Variants in KHDRBS2 observed in about 807,000 individuals in gnomAD.
KHDRBS2 encodes KH RNA binding domain containing, signal transduction associated 2, also known as KH domain-containing, RNA-binding, signal transduction-associated protein 2.
In KHDRBS2, 26 loss-of-function variants were observed where a neutral mutation model predicts 44.3. The observed-to-expected ratio is 0.59, with a 90% CI of 0.43 to 0.81. The LOEUF (loss-of-function observed/expected upper bound fraction) is 0.81, where lower values mean the gene tolerates loss of function less well. KHDRBS2 is among the 40% of genes least tolerant of loss of function. The pLI, the probability that KHDRBS2 is intolerant of heterozygous loss-of-function variation, is 0.00. For missense variants in KHDRBS2, 476 were observed against 433.1 expected (o/e 1.10, Z -0.88); for synonymous variants, 194 against 151.1 (o/e 1.28, Z -2.08).
chr6:62,074,850 G>A (rs902165715), intron 2 of KHDRBS2, among the ~76,000 whole-genome samples: 1 of 151,676 alleles, frequency 6.6e-6, no homozygotes, highest in Non-Finnish European at 1.5e-5. Flanking sequence ...CTACATCCTA[G>A]AAAATTTTCT....
intron 3 of KHDRBS2, among the ~76,000 whole-genome samples, chr6:62,010,741 C>T (rs1584137894): frequency 6.6e-6 from 1 of 152,150 alleles, no homozygotes; most frequent in Admixed American, 6.5e-5. Context: ...TGATTTGCTC[C>T]TCCTTGCCTT....
At chr6:61,550,701 C>A in the KHDRBS2 span, among the ~76,000 whole-genome samples, 1 of 151,922 alleles carries the variant, frequency 6.6e-6, no homozygotes, top group Non-Finnish European at 1.5e-5. Flanking sequence ...TTCTATACAA[C>A]CCCTCCAGCA....
At chr6:61,852,453 A>G (rs1443265401) in intron 6 of KHDRBS2, among the ~76,000 whole-genome samples, 1 of 151,550 alleles carries the variant, frequency 6.6e-6, no homozygotes, top group Non-Finnish European at 1.5e-5. Context: ...AGTCCCAGCT[A>G]CTCAGGAGGC....
the KHDRBS2 span, among the ~76,000 whole-genome samples, chr6:61,550,766 C>CTTTTTTTTTTTTT: frequency 4.3e-5 from 5 of 117,038 alleles, no homozygotes; most frequent in African/African-American, 3.4e-5. Flanking sequence ...GAGATGGTAT[C>CTTTTTTTTTTTTT]TTTTTTTTTT....
chr6:61,943,760 G>A (rs1322281410), intron 4 of KHDRBS2, among the ~76,000 whole-genome samples: 10 of 151,726 alleles, frequency 6.6e-5, no homozygotes. Context: ...ATCCAATAAG[G>A]GACTAATATC....
chr6:62,075,659 G>C (rs536603705), intron 2 of KHDRBS2, among the ~76,000 whole-genome samples: 1 of 151,900 alleles, frequency 6.6e-6, no homozygotes, highest in East Asian at 2.0e-4. Flanking sequence ...TGTGTAGCTG[G>C]CATAAGTTTT....
intron 6 of KHDRBS2, among the ~76,000 whole-genome samples, chr6:61,885,937 T>C (rs1249984050): frequency 6.6e-6 from 1 of 152,108 alleles, no homozygotes; most frequent in Non-Finnish European, 1.5e-5. Context: ...GAGGCCTGCT[T>C]GCTTTTTCTT....
At chr6:62,229,397 G>A (rs1269050868) in intron 1 of KHDRBS2, among the ~76,000 whole-genome samples, 1 of 152,182 alleles carries the variant, frequency 6.6e-6, no homozygotes, top group Non-Finnish European at 1.5e-5. Context: ...GAGCTATAGA[G>A]ATGGCTGCTG....
At chr6:61,559,472 G>T in the KHDRBS2 span, among the ~76,000 whole-genome samples, 1 of 151,562 alleles carries the variant, frequency 6.6e-6, no homozygotes, top group South Asian at 2.1e-4. Context: ...TTTGTTTTCT[G>T]GTTATTTTGT....
At chr6:62,261,530 T>C (rs1194681631) in intron 1 of KHDRBS2, among the ~76,000 whole-genome samples, 3 of 151,896 alleles carry the variant, frequency 2.0e-5, no homozygotes, top group Non-Finnish European at 2.9e-5. Flanking sequence ...ATACTATTTA[T>C]GTAGTATAAA....
the KHDRBS2 span, among the ~76,000 whole-genome samples, chr6:61,668,825 T>G: frequency 6.6e-6 from 1 of 151,024 alleles, no homozygotes. Context: ...AAATATATTT[T>G]AGTAGTGGGT....
the KHDRBS2 span, among the ~76,000 whole-genome samples, chr6:61,625,863 T>G: frequency 6.6e-6 from 1 of 152,198 alleles, no homozygotes; most frequent in Non-Finnish European, 1.5e-5. Flanking sequence ...AACTAAGCAC[T>G]CTAATATGTG....
intron 4 of KHDRBS2, among the ~76,000 whole-genome samples, chr6:61,950,581 A>G (rs553622402): frequency 6.6e-6 from 1 of 151,876 alleles, no homozygotes; most frequent in Non-Finnish European, 1.5e-5. Flanking sequence ...TAATTCTCTT[A>G]TCTTGATGGA....
the KHDRBS2 span, among the ~76,000 whole-genome samples, chr6:61,561,111 G>C: frequency 1.3e-5 from 2 of 152,122 alleles, no homozygotes; most frequent in African/African-American, 4.8e-5. Context: ...CCTTTAATAA[G>C]ATCTAGAAGA....
chr6:61,843,374 A>ATTATTATTAT, intron 6 of KHDRBS2, among the ~76,000 whole-genome samples: 1 of 138,962 alleles, frequency 7.2e-6, no homozygotes, highest in Non-Finnish European at 1.6e-5. Flanking sequence ...TATTATTATT[A>ATTATTATTAT]TATTTTGAGA....
At chr6:61,886,506 A>G (rs1800977932) in intron 6 of KHDRBS2, among the ~76,000 whole-genome samples, 1 of 151,886 alleles carries the variant, frequency 6.6e-6, no homozygotes, top group African/African-American at 2.4e-5. Flanking sequence ...CCTTTCCTGG[A>G]GCATGCATAG....
the KHDRBS2 span, among the ~76,000 whole-genome samples, chr6:61,665,508 T>C: frequency 6.6e-6 from 1 of 151,362 alleles, no homozygotes; most frequent in African/African-American, 2.4e-5. Flanking sequence ...ATTTCTAAAC[T>C]TTACTGGCTT....
the KHDRBS2 span, among the ~76,000 whole-genome samples, chr6:61,584,442 A>G: frequency 6.6e-6 from 1 of 151,976 alleles, no homozygotes; most frequent in South Asian, 2.1e-4. Flanking sequence ...ACCTATTTGT[A>G]TTATTATATG....
At chr6:62,170,079 A>C (rs1413295474) in intron 2 of KHDRBS2, among the ~76,000 whole-genome samples, 1 of 151,816 alleles carries the variant, frequency 6.6e-6, no homozygotes, top group Non-Finnish European at 1.5e-5. Context: ...CTTTTAGCCC[A>C]CTGTCTTACT....
Sources: gnomAD v4.1 joint callset for allele counts (sites outside exome capture counted in the v4.1 genomes callset) on GRCh38, gnomAD v4.1.1 for gene constraint, MANE v1.5 for transcripts, NCBI Gene and HGNC (gene_info 2026-07-23, HGNC 2026-07-21) for gene names.